Variants in TTLL5 observed in about 807,000 individuals in gnomAD.
TTLL5 encodes the protein tubulin polyglutamylase TTLL5.
A neutral mutation model predicts 168.4 loss-of-function variants in TTLL5; 132 were observed. The ratio of observed to expected loss-of-function variants is 0.78; its 90% CI spans 0.68 to 0.91. The LOEUF (loss-of-function observed/expected upper bound fraction) is 0.91, where lower values mean the gene tolerates loss of function less well. Among genes scored for constraint, TTLL5 ranks in the 40% least tolerant of loss-of-function variants. The probability of loss-of-function intolerance (pLI) is 0.00; values close to 1 mark genes in which losing one functional copy is unlikely to be tolerated. For missense variants in TTLL5, 1,545 were observed against 1,581.5 expected (o/e 0.98, Z 0.39); for synonymous variants, 546 against 558.6 (o/e 0.98, Z 0.32).
chr14:75,665,490 A>G (rs1883188930), intron 2 of TTLL5, among the ~76,000 whole-genome samples: 1 of 152,210 alleles, frequency 6.6e-6, no homozygotes, highest in Non-Finnish European at 1.5e-5. Flanking sequence ...TAGCATTTAG[A>G]TAGAAAGACC....
At chr14:75,876,698 T>A (rs888615764) in intron 29 of TTLL5, among the ~76,000 whole-genome samples, 1 of 152,240 alleles carries the variant, frequency 6.6e-6, no homozygotes, top group Non-Finnish European at 1.5e-5. Flanking sequence ...TTTCTCTTGC[T>A]CAGCACCCAG....
rs1890967870 is a variant in TTLL5, at chr14:75,766,323, C to T, written c.1970C>T (p.Pro657Leu). Residue 657 changes from proline to leucine, a missense_variant, in exon 20 of 32, where the codon CCT (proline) becomes CTT (leucine). Physicochemically the swap from Pro to Leu is moderately conservative, Grantham distance 98. Coordinates refer to ENST00000298832, the MANE Select transcript of TTLL5 (RefSeq NM_015072.5). The stretch of plus-strand genomic sequence containing the variant: ...AAACTTGAGACTCAGGAGCTAGAGC[C>T]TAAATTTAACCTGATGCAGATTCTT... ...CCKLETQELE[P>L]KFNLMQILQD... 5 of 1,613,732 alleles carry T rather than the reference C, an allele frequency of 3.1e-6. No homozygotes were observed. Among genetic ancestry groups the T allele is most frequent in the Non-Finnish European group, 4.2e-6 (5 of 1,179,906 alleles).
At chr14:75,662,327 T>TTG (rs1890788095) in intron 1 of TTLL5, among the ~76,000 whole-genome samples, 1 of 150,680 alleles carries the variant, frequency 6.6e-6, no homozygotes, top group Non-Finnish European at 1.5e-5. Flanking sequence ...GGGTTTTTTG[T>TTG]TGTTTTTTTT....
intron 3 of TTLL5, among the ~76,000 whole-genome samples, chr14:75,669,972 C>G (rs576484217): frequency 6.6e-6 from 1 of 152,154 alleles, no homozygotes; most frequent in Non-Finnish European, 1.5e-5. Flanking sequence ...TATAGATTCC[C>G]ATATTCTGGA....
intron 27 of TTLL5, among the ~76,000 whole-genome samples, chr14:75,799,319 C>A (rs1893157649): frequency 6.6e-6 from 1 of 152,072 alleles, no homozygotes; most frequent in African/African-American, 2.4e-5. Context: ...TATCCATTTG[C>A]ATGGAATATC....
In TTLL5 at chr14:75,883,045, C is replaced by G. The variant is rs2031902248; in HGVS notation, c.3740+143C>G. 5 of 923,462 alleles carry G rather than the reference C, an allele frequency of 5.4e-6. No individual in the cohort carries two copies. In the South Asian group the frequency reaches 9.3e-5, roughly 17 times the overall value. The allele number at this position is 923,462 out of a possible 1,614,324, so 57.2% of individuals were successfully genotyped here. A position where few individuals can be genotyped will look rare whatever the true frequency, so the allele number is the denominator to read the frequency against. ...TGGGAAATAAAGGCTAACCCTAGTT[C>G]TCAGCGTGGGCTACAAATTAGAATC... On this transcript the variant is annotated intron_variant, in intron 30 of 31. Transcript: ENST00000298832.
At chr14:75,793,476 T>C (rs1892831987) in intron 27 of TTLL5, among the ~76,000 whole-genome samples, 1 of 152,214 alleles carries the variant, frequency 6.6e-6, no homozygotes, top group South Asian at 2.1e-4. Flanking sequence ...AACATTACCC[T>C]TTAAAAAAAT....
intron 29 of TTLL5, among the ~76,000 whole-genome samples, chr14:75,865,842 A>G (rs1212414790): frequency 6.6e-6 from 1 of 152,218 alleles, no homozygotes; most frequent in Non-Finnish European, 1.5e-5. Context: ...ATCTGTCAGA[A>G]TATCTGTTTT....
At chr14:75,818,059 C>T (rs377270490) in intron 27 of TTLL5, among the ~76,000 whole-genome samples, 3 of 151,672 alleles carry the variant, frequency 2.0e-5, no homozygotes, top group Non-Finnish European at 2.9e-5. Context: ...AGGATGATCT[C>T]GATCTCCTGA....
intron 31 of TTLL5, among the ~76,000 whole-genome samples, chr14:75,917,116 G>T (rs1335991614): frequency 1.7e-4 from 26 of 152,294 alleles, no homozygotes; most frequent in Non-Finnish European, 1.3e-4. Flanking sequence ...TGATGGGATG[G>T]TCGTGCAGCG....
rs570109536 is a variant in TTLL5 at position 75,868,727 on chromosome 14, A to T, written c.3522+4865A>T. Among the ~76,000 whole-genome samples, 8 of 152,284 alleles carry T rather than the reference A, an allele frequency of 5.3e-5. No individual in the cohort carries two copies. The South Asian group carries it at 1.7e-3, about 32-fold the overall frequency. The stretch of plus-strand genomic sequence containing the variant: ...CATGTCTTGTTATTTTGCTCCTAAA[A>T]GTTCATTGCACGTGTCTAAAAAAAT... On this transcript the variant is annotated intron_variant, in intron 29 of 31. Coordinates refer to ENST00000298832, the MANE Select transcript of TTLL5 (RefSeq NM_015072.5).
chr14:75,688,011 C>T (rs1885195799), intron 5 of TTLL5, among the ~76,000 whole-genome samples: 1 of 152,174 alleles, frequency 6.6e-6, no homozygotes, highest in Non-Finnish European at 1.5e-5. Context: ...CTCTGGATAA[C>T]TGTGATCTTG....
At chr14:75,953,791 CTG>C (rs796724783) in intron 31 of TTLL5, among the ~76,000 whole-genome samples, 42 of 152,000 alleles carry the variant, frequency 2.8e-4, no homozygotes, top group African/African-American at 9.9e-4. Context: ...TGATAATACA[CTG>C]TGTTTCTAGA....
intron 30 of TTLL5, among the ~76,000 whole-genome samples, chr14:75,896,552 T>C (rs1230660073): frequency 1.3e-5 from 2 of 152,178 alleles, no homozygotes; most frequent in Admixed American, 1.3e-4. Context: ...TGTGGTGGCA[T>C]GAGTCCAAGA....
At position 75,690,135 on chromosome 14, in the gene TTLL5, C is replaced by G. The variant is rs186372775; in HGVS notation, c.372-57C>G. 1.1e-3 allele frequency: 1,737 copies of G among 1,598,838 alleles called. 22 individuals carry two copies. The highest frequency in any genetic ancestry group is 9.0e-5 in the Non-Finnish European group (105 of 1,168,248). On this transcript the variant is annotated intron_variant, in intron 5 of 31. Transcript: ENST00000298832. ...ACTGTAACTCTTTAGAATGTGATAACACAGGAAAATTCTGAGTCATAGTTT... is the reference window on the plus strand; with the variant it reads ...ACTGTAACTCTTTAGAATGTGATAAGACAGGAAAATTCTGAGTCATAGTTT...
intron 28 of TTLL5, among the ~76,000 whole-genome samples, chr14:75,851,065 C>T (rs1283427372): frequency 1.6e-5 from 2 of 125,250 alleles, no homozygotes; most frequent in South Asian, 2.7e-4. Context: ...CCACTGTACT[C>T]GGCCTGAGTG....
At chr14:75,814,830 T>C (rs1280753938) in intron 27 of TTLL5, among the ~76,000 whole-genome samples, 1 of 152,232 alleles carries the variant, frequency 6.6e-6, no homozygotes, top group East Asian at 1.9e-4. Context: ...ATCTGGCTTT[T>C]AAATTTTAAA....
rs900850254 is a variant in TTLL5, at chr14:75,720,480, T to G, written c.935-116T>G. ...AGCACCCATTCAGAAGTCTGCCATATAGAGGCTTTTTTGAATGAGCACACA... is the reference window on the plus strand; with the variant it reads ...AGCACCCATTCAGAAGTCTGCCATAGAGAGGCTTTTTTGAATGAGCACACA... On this transcript the variant is annotated intron_variant, in intron 11 of 31. Transcript: ENST00000298832. 4 of 766,348 alleles carry G rather than the reference T, an allele frequency of 5.2e-6. No individual in the cohort carries two copies. In the African/African-American group the frequency reaches 7.0e-5, roughly 13 times the overall value. 47.5% of individuals were successfully genotyped at this position (766,348 alleles called of 1,614,324 possible).
intron 30 of TTLL5, chr14:75,886,643 G>T: frequency 6.3e-7 from 1 of 1,577,090 alleles, no homozygotes; most frequent in Admixed American, 1.8e-5. Flanking sequence ...CATTTTCCTG[G>T]TGCCAATAAT....
Sources: gnomAD v4.1 joint callset for allele counts (sites outside exome capture counted in the v4.1 genomes callset) on GRCh38, gnomAD v4.1.1 for gene constraint, MANE v1.5 for transcripts, NCBI Gene and HGNC (gene_info 2026-07-23, HGNC 2026-07-21) for gene names.